Variants in ARHGAP12 observed in about 807,000 individuals in gnomAD.
ARHGAP12 encodes Rho GTPase activating protein 12.
A neutral mutation model predicts 108.6 loss-of-function variants in ARHGAP12; 64 were observed. The observed-to-expected ratio is 0.59, with a 90% CI of 0.48 to 0.73. The LOEUF is 0.73. Among genes scored for constraint, ARHGAP12 ranks in the 30% least tolerant of loss-of-function variants. The pLI, the probability that ARHGAP12 is intolerant of heterozygous loss-of-function variation, is 0.00. For synonymous variants in ARHGAP12, 312 were observed against 337.2 expected, an observed-to-expected ratio of 0.93 and a Z score of 0.82; for missense variants, 940 against 1,005.9, an observed-to-expected ratio of 0.93 and a Z score of 0.89.
chr10:31,898,438 T>C (rs763175449), intron 3 of ARHGAP12, among the ~76,000 whole-genome samples: 11 of 151,966 alleles, frequency 7.2e-5, no homozygotes, highest in Admixed American at 4.6e-4. Context: ...TGTGGAAAAA[T>C]TGGAACCCTA....
At chr10:31,819,042 C>A (rs938241541) in intron 12 of ARHGAP12, among the ~76,000 whole-genome samples, 1 of 151,912 alleles carries the variant, frequency 6.6e-6, no homozygotes, top group African/African-American at 2.4e-5. Context: ...AAAACATAGT[C>A]TCTTTACTTA....
Position 31,820,399 on chromosome 10 carries a change from C to T in ARHGAP12, c.1620G>A (p.Lys540=). The change falls in exon 12 of 20, where the codon AAG becomes AAA. Residue 540 remains lysine (K), a synonymous_variant. Coordinates refer to ENST00000344936, the MANE Select transcript of ARHGAP12 (RefSeq NM_018287.7). The part of the protein sequence containing the change: ...EMASKDKSSK[K]NVFELKTRQG... ...AAAAATGTATTACCTCAAATACATT[C>T]TTTTTGCTGGATTTATCCTTTGAAG... 6.2e-7 allele frequency: 1 copy of T among 1,610,280 alleles called. No individual in the cohort carries two copies. The highest frequency in any genetic ancestry group is 1.7e-5 in the Admixed American group (1 of 59,558).
At chr10:31,868,989 G>C (rs970019010) in intron 3 of ARHGAP12, among the ~76,000 whole-genome samples, 2 of 152,102 alleles carry the variant, frequency 1.3e-5, no homozygotes, top group Non-Finnish European at 2.9e-5. Context: ...GTGTACCTGA[G>C]TGCGCTTAGG....
intron 6 of ARHGAP12, among the ~76,000 whole-genome samples, chr10:31,851,707 C>T (rs61613858): frequency 0.047 from 7,225 of 152,168 alleles, 573 homozygotes; most frequent in African/African-American, 0.16. Flanking sequence ...TTAGCGTTTC[C>T]GAACTTGTAG....
chr10:31,830,115 T>A (rs754968122), intron 10 of ARHGAP12, among the ~76,000 whole-genome samples: 13 of 152,178 alleles, frequency 8.5e-5, no homozygotes, highest in Non-Finnish European at 1.5e-4. Flanking sequence ...TAGGTATTTT[T>A]AAAAAAATTA....
intron 1 of ARHGAP12, among the ~76,000 whole-genome samples, chr10:31,912,123 C>A (rs1289523138): frequency 6.6e-6 from 1 of 152,170 alleles, no homozygotes; most frequent in East Asian, 1.9e-4. Context: ...TCACTATGTG[C>A]TTTGATCATT....
chr10:31,911,592 G>A (rs1316404075), intron 1 of ARHGAP12, among the ~76,000 whole-genome samples: 1 of 152,124 alleles, frequency 6.6e-6, no homozygotes, highest in African/African-American at 2.4e-5. Flanking sequence ...GGGGCTGCAG[G>A]CGCGACCACA....
intron 7 of ARHGAP12, among the ~76,000 whole-genome samples, chr10:31,841,786 T>C (rs766502139): frequency 4.6e-5 from 7 of 152,166 alleles, no homozygotes; most frequent in Non-Finnish European, 8.8e-5. Context: ...GCAGAGCATC[T>C]GTATTAGGTT....
In ARHGAP12 at chr10:31,869,156, C is replaced by T. The variant is rs141005864; in HGVS notation, c.685-7498G>A. The stretch of plus-strand genomic sequence containing the variant: ...ATATAAGTACTTCCAATATATGAGT[C>T]AAATAAAAATCAGCTTTCTAACATT... On this transcript the variant is annotated intron_variant, in intron 3 of 19. Transcript: ENST00000344936. Among the ~76,000 whole-genome samples, 227 of 152,134 alleles carry T rather than the reference C, an allele frequency of 1.5e-3. 2 individuals are homozygous for T. The East Asian group carries it at 0.026, about 17-fold the overall frequency.
At chr10:31,820,151 A>T (rs1054244694) in intron 12 of ARHGAP12, among the ~76,000 whole-genome samples, 6 of 152,076 alleles carry the variant, frequency 3.9e-5, no homozygotes, top group Admixed American at 3.9e-4. Context: ...TATTGCTGGC[A>T]AAAGATAGGA....
chr10:31,854,934 G>A (rs950011259), intron 4 of ARHGAP12, among the ~76,000 whole-genome samples: 1 of 148,134 alleles, frequency 6.8e-6, no homozygotes, highest in African/African-American at 2.5e-5. Context: ...TTCAAAACCA[G>A]CTTGGGCAAC....
At chr10:31,872,345 C>T (rs1837571336) in intron 3 of ARHGAP12, among the ~76,000 whole-genome samples, 1 of 152,146 alleles carries the variant, frequency 6.6e-6, no homozygotes, top group Non-Finnish European at 1.5e-5. Context: ...GAAAGACCTA[C>T]CAGCATGGAT....
intron 3 of ARHGAP12, among the ~76,000 whole-genome samples, chr10:31,885,222 C>G (rs568844959): frequency 1.3e-5 from 2 of 152,146 alleles, no homozygotes; most frequent in African/African-American, 4.8e-5. Context: ...TTAATGTAAT[C>G]ATTTTTAGTA....
chr10:31,908,487 A>T lies in ARHGAP12; in HGVS notation c.369T>A (p.Val123=), dbSNP rs1839225668. The T allele has an allele frequency of 6.2e-7, 1 of 1,614,136 alleles. No homozygotes were observed. The highest frequency in any genetic ancestry group is 1.7e-5 in the Admixed American group (1 of 60,014). The change falls in exon 3 of 20, where the codon GTT becomes GTA. Residue 123 remains valine, a synonymous_variant. Transcript: ENST00000344936. ...LSSFGKPSSS[V]QGTGLIRDAN... ...CATCACGAATAAGACCTGTTCCTTGAACAGATGACGATGGCTTTCCGAAAC... is the reference window on the plus strand; with the variant it reads ...CATCACGAATAAGACCTGTTCCTTGTACAGATGACGATGGCTTTCCGAAAC...
At chr10:31,826,927 A>G (rs1283265777) in intron 10 of ARHGAP12, 1 of 152,306 alleles carries the variant, frequency 6.6e-6, no homozygotes, top group African/African-American at 2.4e-5. Flanking sequence ...ATTTAAAAAC[A>G]AAATGTTTCC....
chr10:31,925,773 T>C (rs943072253), intron 1 of ARHGAP12, among the ~76,000 whole-genome samples: 3 of 152,190 alleles, frequency 2.0e-5, no homozygotes, highest in African/African-American at 7.2e-5. Context: ...AAAACTGTTG[T>C]TCGATACAGC....
intron 1 of ARHGAP12, among the ~76,000 whole-genome samples, chr10:31,920,176 G>A (rs1389489430): frequency 6.6e-6 from 1 of 151,454 alleles, no homozygotes; most frequent in African/African-American, 2.4e-5. Context: ...AAATTAGCCG[G>A]GCGCAGTGGC....
At chr10:31,839,604 CTACATTATAAGA>C in intron 8 of ARHGAP12, 21 bp downstream of exon 8, 1 of 1,531,510 alleles carries the variant, frequency 6.5e-7, no homozygotes, top group Non-Finnish European at 8.9e-7. Context: ...AATAACTGGA[CTACATTATAAGA>C]TATGCTTCTA....
At chr10:31,907,019 G>T (rs151264321) in intron 3 of ARHGAP12, among the ~76,000 whole-genome samples, 48 of 152,194 alleles carry the variant, frequency 3.2e-4, no homozygotes, top group African/African-American at 9.6e-4. Context: ...TCAAACACTA[G>T]AAGTTTTTCT....
Sources: gnomAD v4.1 joint callset for allele counts (sites outside exome capture counted in the v4.1 genomes callset) on GRCh38, gnomAD v4.1.1 for gene constraint, MANE v1.5 for transcripts, NCBI Gene and HGNC (gene_info 2026-07-23, HGNC 2026-07-21) for gene names.